The following NOSIP variants were observed in gnomAD, a reference collection of about 807,000 sequenced individuals.
NOSIP encodes the protein nitric oxide synthase interacting protein, also known as nitric oxide synthase-interacting protein.
A neutral mutation model predicts 36.4 loss-of-function variants in NOSIP; 25 were observed. That is an observed-to-expected ratio of 0.69 (90% confidence interval 0.50 to 0.96). The LOEUF (loss-of-function observed/expected upper bound fraction) is 0.96, where lower values mean the gene tolerates loss of function less well. Among genes scored for constraint, NOSIP ranks in the 40% least tolerant of loss-of-function variants. NOSIP has a pLI of 0.00. For missense variants in NOSIP, 370 were observed against 429.0 expected (o/e 0.86, Z 1.21); for synonymous variants, 187 against 179.2 (o/e 1.04, Z -0.35).
At chr19:49,579,918 C>G (rs1178163346) in intron 1 of NOSIP, among the ~76,000 whole-genome samples, 1 of 151,992 alleles carries the variant, frequency 6.6e-6, no homozygotes, top group Non-Finnish European at 1.5e-5. Context: ...CCTCAAGGAC[C>G]GTTCAAGCCC....
chr19:49,566,060 T>C (rs1475744855), intron 1 of NOSIP, among the ~76,000 whole-genome samples: 1 of 151,686 alleles, frequency 6.6e-6, no homozygotes, highest in Non-Finnish European at 1.5e-5. Context: ...CGCTCTGTCG[T>C]CCAGGCTGGA....
intron 1 of NOSIP, among the ~76,000 whole-genome samples, chr19:49,565,630 C>T (rs1057499723): frequency 1.3e-5 from 2 of 151,868 alleles, no homozygotes; most frequent in Admixed American, 6.6e-5. Context: ...TGGTGGCACA[C>T]GCCTGTAATC....
At position 49,578,659 on chromosome 19, in the gene NOSIP, T is replaced by C. The variant is rs2080584013; in HGVS notation, c.-2+1856A>G. 7.2e-5 allele frequency among the ~76,000 whole-genome samples: 11 copies of C among 151,838 alleles called. No homozygotes were observed. The South Asian group carries it at 2.3e-3, about 32-fold the overall frequency. On this transcript the variant is annotated intron_variant, in intron 1 of 8. Transcript: ENST00000596358. ...TGTCTCTATCTATTTTTTCTTTTTT[T>C]TTTTTGAGACAGAGTCTCACTCTGT... is the stretch of plus-strand genomic sequence containing the variant.
rs202134417 is a variant in NOSIP, at chr19:49,556,137, AG to A, written c.834+179del. Among the ~76,000 whole-genome samples, 27 of 40,670 alleles carry A rather than the reference AG, an allele frequency of 6.6e-4. No homozygotes were observed. In the South Asian group the frequency reaches 6.7e-3, roughly 10 times the overall value. 26.7% of individuals were successfully genotyped at this position (40,670 alleles called of 152,430 possible). On this transcript the variant is annotated intron_variant, in intron 8 of 8. Coordinates refer to ENST00000596358, the MANE Select transcript of NOSIP (RefSeq NM_001270960.2). ...GAGGAGGCGGGGCCTAGGAGAGCGG[AG>A]GGGGGGAAGGGCGGGGCCTTGCAGG...
chr19:49,557,127 G>C lies in NOSIP; in HGVS notation c.381C>G (p.Asn127Lys), dbSNP rs769613583. Residue 127 changes from asparagine (N) to lysine (K), a missense_variant, in exon 5 of 9, where the codon AAC (asparagine) becomes AAG (lysine). Transcript: ENST00000596358. ...CCGAGAGGGCCTTGGCTGTGAAAGGGTTGAGGGGCCGGCTCACGATAGCCG... is the reference window on the plus strand; with the variant it reads ...CCGAGAGGGCCTTGGCTGTGAAAGGCTTGAGGGGCCGGCTCACGATAGCCG... ...KESAIVSRPL[N>K]PFTAKALSGT... The C allele has an allele frequency of 1.9e-6, 3 of 1,613,072 alleles. No homozygotes were observed. Among genetic ancestry groups the C allele is most frequent in the East Asian group, 4.5e-5 (2 of 44,864 alleles).
chr19:49,568,959 C>G (rs1323221729), intron 1 of NOSIP, among the ~76,000 whole-genome samples: 1 of 151,262 alleles, frequency 6.6e-6, no homozygotes, highest in East Asian at 1.9e-4. Flanking sequence ...TGCACCACCA[C>G]GCCTGGCTAA....
intron 1 of NOSIP, among the ~76,000 whole-genome samples, chr19:49,573,857 A>ATTTTTTT (rs560191336): frequency 2.5e-4 from 33 of 129,432 alleles, no homozygotes; most frequent in African/African-American, 9.7e-4. Flanking sequence ...GGACTGAAGT[A>ATTTTTTT]TTTTTTTTTT....
rs1209238858 is a variant in NOSIP, at chr19:49,570,329, CA to C, written c.-1-9638del. ...CTTTGAAAAACTTGCCTTTCCCATT[CA>C]AAACTTGAAACACAAACCTCTGGGA... On this transcript the variant is annotated intron_variant, in intron 1 of 8. Transcript: ENST00000596358. Among the ~76,000 whole-genome samples, 6 of 152,184 alleles carry C rather than the reference CA, an allele frequency of 3.9e-5. No individual in the cohort carries two copies. In the East Asian group the frequency reaches 1.2e-3, roughly 29 times the overall value.
chr19:49,563,874 C>T (rs1406357813), intron 1 of NOSIP, among the ~76,000 whole-genome samples: 1 of 152,142 alleles, frequency 6.6e-6, no homozygotes, highest in African/African-American at 2.4e-5. Context: ...TCCTTTTAAA[C>T]ATTTCCCATT....
chr19:49,574,050 C>T (rs999266431), intron 1 of NOSIP, among the ~76,000 whole-genome samples: 13 of 151,882 alleles, frequency 8.6e-5, no homozygotes, highest in South Asian at 6.2e-4. Context: ...TTAGTAGAGA[C>T]GGGGTTTCAC....
chr19:49,564,473 AAAAC>A (rs1340770713), intron 1 of NOSIP, among the ~76,000 whole-genome samples: 17 of 151,272 alleles, frequency 1.1e-4, no homozygotes, highest in African/African-American at 3.9e-4. Flanking sequence ...AAAAAAAAAA[AAAAC>A]AAAATAAAAC....
At position 49,555,732 on chromosome 19, in the gene NOSIP, T is replaced by C. The variant is rs200860162; in HGVS notation, c.*19A>G. On this transcript the variant is annotated 3_prime_UTR_variant, in exon 9 of 9. Coordinates refer to ENST00000596358, the MANE Select transcript of NOSIP (RefSeq NM_001270960.2). ...GTCGTTGCGCACCCAAGCCGGTTTA[T>C]TTGGTCTCCCGCACACACTCAGGCC... 6.2e-7 allele frequency: 1 copy of C among 1,609,542 alleles called. No homozygotes were observed. Among genetic ancestry groups the C allele is most frequent in the Non-Finnish European group, 8.5e-7 (1 of 1,176,662 alleles).
Position 49,556,329 on chromosome 19 carries a change from G to T in NOSIP, c.822C>A (p.Ile274=). Residue 274 remains isoleucine, a synonymous_variant, in exon 8 of 9, where the codon ATC becomes ATA. Coordinates refer to ENST00000596358, the MANE Select transcript of NOSIP (RefSeq NM_001270960.2). ...TGDKLTDRDI[I]VLQRGGTGFA... ...GTGGGACTCTTACCCGCTGCAGCAC[G>T]ATGATGTCGCGGTCTGTGAGTTTGT... 6.2e-7 allele frequency: 1 copy of T among 1,612,210 alleles called. No homozygotes were observed.
intron 1 of NOSIP, among the ~76,000 whole-genome samples, chr19:49,570,547 T>A (rs1232560811): frequency 6.6e-6 from 1 of 151,802 alleles, no homozygotes; most frequent in African/African-American, 2.4e-5. Context: ...CTCACGCCCC[T>A]TCCCGATCAA....
intron 1 of NOSIP, among the ~76,000 whole-genome samples, chr19:49,569,221 C>T (rs1262989883): frequency 2.2e-5 from 3 of 135,048 alleles, no homozygotes; most frequent in Non-Finnish European, 4.7e-5. Flanking sequence ...TTTTTTGAGA[C>T]GTTATCTCGC....
In NOSIP at chr19:49,571,174, C is replaced by G. The variant is rs180915534; in HGVS notation, c.-2+9341G>C. On this transcript the variant is annotated intron_variant, in intron 1 of 8. Transcript: ENST00000596358. Reference sequence around the variant, plus strand: ...TTTTTTTTGTATTTTTTAGTAGAGACAGGGTTTCACCATGTTGGCCAGGCT... The same window carrying G: ...TTTTTTTTGTATTTTTTAGTAGAGAGAGGGTTTCACCATGTTGGCCAGGCT... 4.4e-3 allele frequency among the ~76,000 whole-genome samples: 623 copies of G among 143,076 alleles called. 2 individuals are homozygous for G. Among genetic ancestry groups the G allele is most frequent in the African/African-American group, 0.015 (590 of 38,356 alleles). The allele number at this position is 143,076 out of a possible 152,430, so 93.9% of individuals were successfully genotyped here.
intron 1 of NOSIP, among the ~76,000 whole-genome samples, chr19:49,569,528 C>T (rs1285457702): frequency 7.0e-6 from 1 of 142,854 alleles, no homozygotes; most frequent in Non-Finnish European, 1.5e-5. Context: ...AACATTTGGC[C>T]GGGCACGGTG....
At chr19:49,558,766 C>T (rs552759917) in intron 4 of NOSIP, 131 bp downstream of exon 4, 44 of 780,970 alleles carry the variant, frequency 5.6e-5, no homozygotes, top group East Asian at 1.5e-4. Context: ...AGGATTTGGC[C>T]GGAAGCAGGG....
Position 49,558,863 on chromosome 19 carries a change from C to G in NOSIP, c.258+34G>C, listed in dbSNP as rs2080292099. 1.9e-6 allele frequency: 3 copies of G among 1,567,984 alleles called. No individual in the cohort carries two copies. In the African/African-American group the frequency reaches 4.1e-5, roughly 21 times the overall value. The stretch of plus-strand genomic sequence containing the variant: ...GTGAGCTCAGACTCAAAAGCTCCTG[C>G]CTCCGTGTGCCGCCTCCTCCCCATC... On this transcript the variant is annotated intron_variant, in intron 4 of 8. Transcript: ENST00000596358.
Sources: allele counts gnomAD v4.1 joint callset (sites outside exome capture counted in the v4.1 genomes callset), GRCh38; gene constraint gnomAD v4.1.1; transcripts MANE v1.5; gene names NCBI Gene and HGNC (gene_info 2026-07-23, HGNC 2026-07-21).